HTR3B: variants seen among roughly 807,000 people sequenced by gnomAD.
HTR3B encodes the protein 5-hydroxytryptamine (serotonin) receptor 3B, ionotropic.
A neutral mutation model predicts 42.8 loss-of-function variants in HTR3B; 44 were observed. The observed-to-expected ratio is 1.03, with a 90% confidence interval of 0.81 to 1.32. The LOEUF (loss-of-function observed/expected upper bound fraction) is 1.32, where lower values mean the gene tolerates loss of function less well. Among genes scored for constraint, HTR3B ranks in the 40% most tolerant of loss-of-function variants. The pLI is 0.00. For synonymous variants in HTR3B, 203 were observed against 209.0 expected, an observed-to-expected ratio of 0.97 and a Z score of 0.25; for missense variants, 527 against 536.5, an observed-to-expected ratio of 0.98 and a Z score of 0.17.
At chr11:113,909,569 G>A (rs1269005994) in intron 2 of HTR3B, 114 bp downstream of exon 2, 2 of 825,286 alleles carry the variant, frequency 2.4e-6, no homozygotes, top group Non-Finnish European at 3.8e-6. Flanking sequence ...AACTGGCAGG[G>A]AAGTTGCGCT....
At chr11:113,909,043 C>T in intron 1 of HTR3B, 1 of 560,330 alleles carries the variant, frequency 1.8e-6, no homozygotes, top group Non-Finnish European at 3.1e-6. Context: ...ATTGTAGGTA[C>T]AGTTTTCCAA....
At position 113,932,436 on chromosome 11, in the gene HTR3B, C is replaced by G. The variant is rs781211299; in HGVS notation, c.516C>G (p.Thr172=). 31 of 1,613,882 alleles carry G rather than the reference C, an allele frequency of 1.9e-5. No individual in the cohort carries two copies. In the African/African-American group the frequency reaches 4.0e-4, roughly 21 times the overall value. ...FPFDVQNCSL[T]FKSILHTVED... is the part of the protein sequence containing the mutation. ...TTGATGTCCAGAATTGCAGCCTGAC[C>G]TTCAAGAGCATTCTGCATACAGGTA... Residue 172 remains threonine (T), a synonymous_variant, in exon 5 of 9, where the codon ACC becomes ACG. Transcript: ENST00000260191.
chr11:113,944,810 C>A (rs1950164456), intron 8 of HTR3B, 55 bp downstream of exon 8: 2 of 1,553,244 alleles, frequency 1.3e-6, no homozygotes, highest in South Asian at 1.2e-5. Flanking sequence ...CTTAAAAATT[C>A]ATTCCCGTTG....
chr11:113,905,912 A>T (rs1474819557), intron 1 of HTR3B, among the ~76,000 whole-genome samples: 1 of 152,230 alleles, frequency 6.6e-6, no homozygotes, highest in Non-Finnish European at 1.5e-5. Flanking sequence ...AAAATCCTGG[A>T]TGTTGAACAT....
At chr11:113,913,389 T>G (rs914683794) in intron 2 of HTR3B, among the ~76,000 whole-genome samples, 3 of 140,698 alleles carry the variant, frequency 2.1e-5, no homozygotes, top group Non-Finnish European at 3.1e-5. Context: ...TTTTGTATTT[T>G]TAGTAGAGAT....
At chr11:113,938,014 G>A (rs1244075073) in intron 6 of HTR3B, among the ~76,000 whole-genome samples, 2 of 152,070 alleles carry the variant, frequency 1.3e-5, no homozygotes, top group Non-Finnish European at 2.9e-5. Context: ...GTGTTCCTTG[G>A]CTGGTAGATG....
chr11:113,919,710 C>T (rs183349700), intron 2 of HTR3B, among the ~76,000 whole-genome samples: 3 of 152,012 alleles, frequency 2.0e-5, no homozygotes, highest in Non-Finnish European at 4.4e-5. Flanking sequence ...TGCTCGTAAT[C>T]CCAGCTACTT....
At position 113,931,878 on chromosome 11, in the gene HTR3B, C is replaced by G; in HGVS notation, c.368+11C>G. On this transcript the variant is annotated intron_variant, in intron 4 of 8. Transcript: ENST00000260191. The stretch of plus-strand genomic sequence containing the variant: ...CATCATCAATGAGTTGTAAGTGTGC[C>G]AGTGTGTATTTCTGTGGGGTTTAGA... 6.8e-7 allele frequency: 1 copy of G among 1,470,556 alleles called. No homozygotes were observed. The highest frequency in any genetic ancestry group is 9.5e-7 in the Non-Finnish European group (1 of 1,048,848). The allele number at this position is 1,470,556 out of a possible 1,614,324, so 91.1% of individuals were successfully genotyped here. A position where few individuals can be genotyped will look rare whatever the true frequency, so the allele number is the denominator to read the frequency against.
chr11:113,937,018 G>C (rs1175166947), intron 6 of HTR3B, among the ~76,000 whole-genome samples: 1 of 152,178 alleles, frequency 6.6e-6, no homozygotes, highest in Non-Finnish European at 1.5e-5. Flanking sequence ...TGAAATTGTG[G>C]CATAATATTG....
chr11:113,929,656 A>G (rs1481598424), intron 2 of HTR3B, among the ~76,000 whole-genome samples: 3 of 152,176 alleles, frequency 2.0e-5, no homozygotes, highest in Non-Finnish European at 1.5e-5. Flanking sequence ...GACCTCGAGC[A>G]TCTTTTAATG....
At chr11:113,904,423 T>C (rs1378237370), upstream of HTR3B, among the ~76,000 whole-genome samples, 1 of 152,232 alleles carries the variant, frequency 6.6e-6, no homozygotes, top group Non-Finnish European at 1.5e-5. Context: ...AGGTTTCCAT[T>C]AGCCTTGTGT....
chr11:113,931,508 G>C, intron 3 of HTR3B, 80 bp downstream of exon 3: 1 of 891,216 alleles, frequency 1.1e-6, no homozygotes, highest in South Asian at 1.5e-5. Context: ...TAAGAAATAG[G>C]TATTATCTTT....
chr11:113,917,173 C>T lies in HTR3B; in HGVS notation c.213+7718C>T, dbSNP rs181459607. Among the ~76,000 whole-genome samples the T allele has an allele frequency of 3.1e-3, 465 of 151,526 alleles. 3 individuals carry two copies. The highest frequency in any genetic ancestry group is 0.011 in the African/African-American group (440 of 41,288). On this transcript the variant is annotated intron_variant, in intron 2 of 8. Transcript: ENST00000260191. ...TTGAGATGAAGTCTCACTCTTGTCC[C>T]CCAGGCTGGAGTGCAGTGGCGCAAT...
intron 2 of HTR3B, among the ~76,000 whole-genome samples, chr11:113,912,344 C>T (rs1046256002): frequency 3.9e-5 from 6 of 151,984 alleles, no homozygotes; most frequent in African/African-American, 9.7e-5. Flanking sequence ...CCCGGGTTCA[C>T]GCCATTCTCC....
rs768281332 is a variant in HTR3B, at chr11:113,909,322, C to T, written c.80C>T (p.Pro27Leu). The change falls in exon 2 of 9, where the codon CCC (proline) becomes CTC (leucine). Residue 27 changes from proline (P) to leucine (L), a missense_variant. Physicochemically the swap from Pro to Leu is moderately conservative, Grantham distance 98 (BLOSUM62 -3). Coordinates refer to ENST00000260191, the MANE Select transcript of HTR3B (RefSeq NM_006028.5). ...ATTCTAGCCACAGATACACATCATCCCCAGGATTCTGCTCTGTATCATCTC... is the reference window on the plus strand; with the variant it reads ...ATTCTAGCCACAGATACACATCATCTCCAGGATTCTGCTCTGTATCATCTC... ...AGILATDTHH[P>L]QDSALYHLSK... 1 of 1,612,462 alleles carries T rather than the reference C, an allele frequency of 6.2e-7. No homozygotes were observed. Among genetic ancestry groups the T allele is most frequent in the Non-Finnish European group, 8.5e-7 (1 of 1,178,532 alleles).
At chr11:113,932,832 G>A in intron 5 of HTR3B, 104 bp from the exon 6 acceptor site, 1 of 1,151,432 alleles carries the variant, frequency 8.7e-7, no homozygotes, top group Non-Finnish European at 1.3e-6. Flanking sequence ...CTGTGCCTAT[G>A]GGGGCAGGAG....
At chr11:113,919,936 C>G (rs1482767803) in intron 2 of HTR3B, among the ~76,000 whole-genome samples, 1 of 152,114 alleles carries the variant, frequency 6.6e-6, no homozygotes, top group Non-Finnish European at 1.5e-5. Context: ...CATTTTCCCC[C>G]AACTTAGATA....
chr11:113,914,059 T>A (rs1949827478), intron 2 of HTR3B, among the ~76,000 whole-genome samples: 1 of 151,844 alleles, frequency 6.6e-6, no homozygotes, highest in South Asian at 2.1e-4. Flanking sequence ...TTTTTTTTTA[T>A]AAATTACACA....
At chr11:113,927,431 A>G (rs1949986432) in intron 2 of HTR3B, among the ~76,000 whole-genome samples, 1 of 152,218 alleles carries the variant, frequency 6.6e-6, no homozygotes, top group Admixed American at 6.5e-5. Flanking sequence ...AGAATATAAT[A>G]CTATAGAGGA....
Sources: allele counts gnomAD v4.1 joint callset (sites outside exome capture counted in the v4.1 genomes callset), GRCh38; gene constraint gnomAD v4.1.1; transcripts MANE v1.5; gene names NCBI Gene and HGNC (gene_info 2026-07-23, HGNC 2026-07-21).